Variants in CGNL1 observed in about 807,000 individuals in gnomAD.
The protein encoded by CGNL1 is cingulin-like protein 1.
CGNL1 carries 132 observed loss-of-function variants against 141.2 expected under a neutral mutation model. The ratio of observed to expected loss-of-function variants is 0.93; its 90% confidence interval spans 0.81 to 1.08. CGNL1 has a LOEUF of 1.08. Ranked by LOEUF, CGNL1 falls within the 50% of genes least tolerant of loss-of-function variation. The pLI, the probability that CGNL1 is intolerant of heterozygous loss-of-function variation, is 0.00. For missense variants in CGNL1, 1,870 were observed against 1,588.6 expected (o/e 1.18, Z -3.01); for synonymous variants, 690 against 622.1 (o/e 1.11, Z -1.63).
chr15:57,535,571 A>G (rs1055665096), intron 14 of CGNL1, among the ~76,000 whole-genome samples: 1 of 152,216 alleles, frequency 6.6e-6, no homozygotes, highest in South Asian at 2.1e-4. Context: ...GTAGGGACCT[A>G]TACAGCATTT....
intron 1 of CGNL1, among the ~76,000 whole-genome samples, chr15:57,389,534 G>C (rs1248707035): frequency 2.0e-5 from 3 of 152,166 alleles, no homozygotes; most frequent in Non-Finnish European, 4.4e-5. Flanking sequence ...GAAGCTTGGA[G>C]TTACGCTTGA....
At chr15:57,481,927 CA>C (rs2063731476) in intron 8 of CGNL1, among the ~76,000 whole-genome samples, 1 of 152,154 alleles carries the variant, frequency 6.6e-6, no homozygotes, top group Admixed American at 6.5e-5. Flanking sequence ...CAGCATTTGG[CA>C]TTGTCAATAT....
intron 4 of CGNL1, among the ~76,000 whole-genome samples, chr15:57,446,260 T>C (rs1222385856): frequency 2.0e-5 from 3 of 152,158 alleles, no homozygotes; most frequent in Non-Finnish European, 4.4e-5. Flanking sequence ...TCTATACAGT[T>C]CATTGAATTT....
intron 8 of CGNL1, among the ~76,000 whole-genome samples, chr15:57,465,880 CA>C (rs2063505457): frequency 1.3e-5 from 2 of 152,120 alleles, no homozygotes; most frequent in Non-Finnish European, 2.9e-5. Flanking sequence ...TGAAAAATGT[CA>C]AATTATATTT....
At chr15:57,416,936 T>C (rs1824232747) in intron 1 of CGNL1, among the ~76,000 whole-genome samples, 1 of 152,158 alleles carries the variant, frequency 6.6e-6, no homozygotes, top group East Asian at 1.9e-4. Flanking sequence ...ATAGCTGAAC[T>C]CTGGAGTCAT....
intron 1 of CGNL1, among the ~76,000 whole-genome samples, chr15:57,398,992 G>A (rs1394992248): frequency 1.3e-5 from 2 of 152,094 alleles, no homozygotes; most frequent in African/African-American, 4.8e-5. Flanking sequence ...GCACATAATT[G>A]TACATACTTA....
chr15:57,400,907 AAAAAG>A (rs1217191022), intron 1 of CGNL1, among the ~76,000 whole-genome samples: 1 of 151,394 alleles, frequency 6.6e-6, no homozygotes, highest in Non-Finnish European at 1.5e-5. Context: ...AAAAAAAAAA[AAAAAG>A]GCATGTTTGC....
intron 8 of CGNL1, among the ~76,000 whole-genome samples, chr15:57,505,109 T>C (rs144269109): frequency 1.4e-4 from 21 of 152,190 alleles, no homozygotes; most frequent in African/African-American, 5.1e-4. Context: ...GGGAAACAAT[T>C]GCTCTAAGAG....
At position 57,439,176 on chromosome 15, in the gene CGNL1, T is replaced by G; in HGVS notation, c.1177T>G (p.Phe393Val). The change falls in exon 2 of 19, where the codon TTT (phenylalanine) becomes GTT (valine). Residue 393 changes from phenylalanine to valine, a missense_variant. Phe to Val is a conservative substitution (Grantham distance 50, BLOSUM62 -1). Transcript: ENST00000281282. ...AAGATCCAGAAGCGTGGATAGCGCC[T>G]TTCCTTTTGGCCTCCAAGGGAACTC... is the stretch of plus-strand genomic sequence containing the variant. ...RKRSRSVDSA[F>V]PFGLQGNSEY... 6.2e-7 allele frequency: 1 copy of G among 1,614,196 alleles called. No homozygotes were observed. The highest frequency in any genetic ancestry group is 8.5e-7 in the Non-Finnish European group (1 of 1,180,036).
chr15:57,379,918 G>A (rs1257129961), intron 1 of CGNL1, among the ~76,000 whole-genome samples: 2 of 152,120 alleles, frequency 1.3e-5, no homozygotes, highest in African/African-American at 4.8e-5. Context: ...TTTCAGCCTG[G>A]TGTCCCCCGT....
At chr15:57,471,545 G>C (rs1314079647) in intron 8 of CGNL1, among the ~76,000 whole-genome samples, 1 of 152,218 alleles carries the variant, frequency 6.6e-6, no homozygotes, top group Non-Finnish European at 1.5e-5. Context: ...AAAGTGACAA[G>C]ACTTAGTTGG....
chr15:57,422,476 C>T (rs1292788608), intron 1 of CGNL1, among the ~76,000 whole-genome samples: 1 of 152,164 alleles, frequency 6.6e-6, no homozygotes, highest in African/African-American at 2.4e-5. Context: ...TTTAAATACT[C>T]TTCTCTTTTT....
Position 57,548,507 on chromosome 15 carries a change from G to A in CGNL1, c.*1017G>A, listed in dbSNP as rs934652358. The A allele has an allele frequency of 6.6e-6, 1 of 152,326 alleles. No individual in the cohort carries two copies. Among genetic ancestry groups the A allele is most frequent in the East Asian group, 1.9e-4 (1 of 5,186 alleles). 9.4% of individuals were successfully genotyped at this position (152,326 alleles called of 1,614,324 possible). On this transcript the variant is annotated 3_prime_UTR_variant, in exon 19 of 19. Transcript: ENST00000281282. ...CTGGGTAAACAAGTCACTGGCACAG[G>A]GGAAAGCCAGAAGGTTGCTTGTGTC...
chr15:57,543,478 T>A (rs1347511889), intron 14 of CGNL1, among the ~76,000 whole-genome samples: 4 of 152,192 alleles, frequency 2.6e-5, no homozygotes, highest in Admixed American at 2.6e-4. Flanking sequence ...TAGCTTTGAC[T>A]CTTACTGTTA....
intron 8 of CGNL1, among the ~76,000 whole-genome samples, chr15:57,507,833 T>G (rs2152395854): frequency 6.6e-6 from 1 of 152,336 alleles, no homozygotes; most frequent in Admixed American, 6.5e-5. Flanking sequence ...TACCTAATGC[T>G]GCCTGACTTC....
intron 1 of CGNL1, among the ~76,000 whole-genome samples, chr15:57,402,457 C>T (rs2152253162): frequency 6.6e-6 from 1 of 152,272 alleles, no homozygotes; most frequent in African/African-American, 2.4e-5. Flanking sequence ...ACACCAATGC[C>T]AAATGGACTA....
intron 1 of CGNL1, among the ~76,000 whole-genome samples, chr15:57,405,776 T>C (rs1240432227): frequency 1.5e-4 from 4 of 27,162 alleles, no homozygotes; most frequent in East Asian, 9.4e-4. Context: ...TTCTTTCTCT[T>C]TCTTTCTTTC....
At chr15:57,464,565 A>C (rs1220766239) in intron 8 of CGNL1, among the ~76,000 whole-genome samples, 2 of 151,942 alleles carry the variant, frequency 1.3e-5, no homozygotes, top group Non-Finnish European at 2.9e-5. Flanking sequence ...CCTGCCATGT[A>C]GTTCCTGTTG....
chr15:57,546,858 CT>C (rs1250904557), intron 18 of CGNL1, among the ~76,000 whole-genome samples: 2 of 152,100 alleles, frequency 1.3e-5, no homozygotes, highest in Non-Finnish European at 2.9e-5. Flanking sequence ...TCTTTGCTGG[CT>C]GCCCGGGTAG....
Sources: allele counts gnomAD v4.1 joint callset (sites outside exome capture counted in the v4.1 genomes callset), GRCh38; gene constraint gnomAD v4.1.1; transcripts MANE v1.5; gene names NCBI Gene and HGNC (gene_info 2026-07-23, HGNC 2026-07-21).